Variants in CCDC88A observed in about 807,000 individuals in gnomAD.
The protein encoded by CCDC88A is girdin.
A neutral mutation model predicts 234.3 loss-of-function variants in CCDC88A; 54 were observed. The observed-to-expected ratio is 0.23, with a 90% CI of 0.19 to 0.29. The LOEUF is 0.29. Ranked by LOEUF, CCDC88A falls within the 10% of genes least tolerant of loss-of-function variation. The pLI is 1.00. For missense variants in CCDC88A, 1,832 were observed against 2,123.4 expected, an observed-to-expected ratio of 0.86 and a Z score of 2.70; for synonymous variants, 753 against 737.8, an observed-to-expected ratio of 1.02 and a Z score of -0.33.
intron 2 of CCDC88A, among the ~76,000 whole-genome samples, chr2:55,393,289 GTTTTTTTT>G (rs558827055): frequency 3.4e-4 from 21 of 61,682 alleles, no homozygotes; most frequent in South Asian, 2.9e-3. Context: ...GGTTTTTTGG[GTTTTTTTT>G]TTTTTTTTTT....
At chr2:55,341,240 G>GGTTCAAGCGATTTTCCT (rs1668452555) in intron 12 of CCDC88A, among the ~76,000 whole-genome samples, 1 of 148,916 alleles carries the variant, frequency 6.7e-6, no homozygotes, top group Admixed American at 6.7e-5. Flanking sequence ...CTGCCTCTCG[G>GGTTCAAGCGATTTTCCT]GTTCAAGCGA....
chr2:55,393,494 A>C, intron 2 of CCDC88A, among the ~76,000 whole-genome samples: 1 of 151,584 alleles, frequency 6.6e-6, no homozygotes, highest in Non-Finnish European at 1.5e-5. Flanking sequence ...GGGTTTCACT[A>C]TATTGGCCAG....
At chr2:55,415,261 A>C (rs1237919997) in intron 2 of CCDC88A, among the ~76,000 whole-genome samples, 1 of 152,114 alleles carries the variant, frequency 6.6e-6, no homozygotes, top group African/African-American at 2.4e-5. Flanking sequence ...GCCATAATGC[A>C]CTATGATCAC....
At chr2:55,407,996 G>A (rs1325119338) in intron 2 of CCDC88A, among the ~76,000 whole-genome samples, 3 of 151,870 alleles carry the variant, frequency 2.0e-5, no homozygotes, top group African/African-American at 4.8e-5. Flanking sequence ...GGGATTACAG[G>A]TGTGAGCCAC....
At chr2:55,410,214 G>A (rs1301381417) in intron 2 of CCDC88A, among the ~76,000 whole-genome samples, 1 of 152,158 alleles carries the variant, frequency 6.6e-6, no homozygotes, top group African/African-American at 2.4e-5. Flanking sequence ...GTTTGGGGAT[G>A]GGAGTACAAG....
At chr2:55,294,329 C>A in intron 31 of CCDC88A, 1 of 983,872 alleles carries the variant, frequency 1.0e-6, no homozygotes, top group Non-Finnish European at 1.2e-6. Flanking sequence ...AGAGAAGAAA[C>A]AATAAATACA....
chr2:55,297,365 AATATATATT>A (rs1558622478), intron 29 of CCDC88A, among the ~76,000 whole-genome samples: 1 of 99,014 alleles, frequency 1.0e-5, no homozygotes, highest in African/African-American at 5.7e-5. Flanking sequence ...AAATATATAT[AATATATATT>A]ATATATAAAT....
In CCDC88A at chr2:55,290,024, C is replaced by T. The variant is rs1679336806; in HGVS notation, c.*1176G>A. 1 of 152,498 alleles carries T rather than the reference C, an allele frequency of 6.6e-6. No individual in the cohort carries two copies. The highest frequency in any genetic ancestry group is 1.5e-5 in the Non-Finnish European group (1 of 67,962). 9.4% of individuals were successfully genotyped at this position (152,498 alleles called of 1,614,324 possible). A position where few individuals can be genotyped will look rare whatever the true frequency, so the allele number is the denominator to read the frequency against. The stretch of plus-strand genomic sequence containing the variant: ...GAATTTGCATTAATGAGTATCAATG[C>T]ATTTTTTGATTTCATAAGAAAATAA... On this transcript the variant is annotated 3_prime_UTR_variant, in exon 33 of 33. Transcript: ENST00000436346.
chr2:55,390,417 T>C (rs1254269265), intron 2 of CCDC88A, among the ~76,000 whole-genome samples: 40 of 152,166 alleles, frequency 2.6e-4, no homozygotes, highest in Admixed American at 2.6e-3. Flanking sequence ...GATTCTTTTG[T>C]CCCCTGACCA....
chr2:55,297,706 T>C (rs1310929730), intron 29 of CCDC88A, among the ~76,000 whole-genome samples: 4 of 151,940 alleles, frequency 2.6e-5, no homozygotes, highest in African/African-American at 9.7e-5. Flanking sequence ...CCACCGCACC[T>C]GGCTCATTAG....
Position 55,349,499 on chromosome 2 carries a change from A to C in CCDC88A, c.882+19T>G. On this transcript the variant is annotated intron_variant, in intron 9 of 32. Transcript: ENST00000436346. ...CAATTACTTGGTGGTCCTAAATAAC[A>C]GATATTCCAGGTACAAACCTCTTGT... 9.6e-6 allele frequency: 15 copies of C among 1,555,596 alleles called. No homozygotes were observed. The highest frequency in any genetic ancestry group is 2.3e-5 in the East Asian group (1 of 44,364).
intron 9 of CCDC88A, 169 bp downstream of exon 9, chr2:55,349,349 T>G: frequency 1.7e-6 from 1 of 584,928 alleles, no homozygotes; most frequent in Admixed American, 3.3e-5. Flanking sequence ...AAAGTTTGGC[T>G]CTGACATTTT....
intron 2 of CCDC88A, chr2:55,404,911 T>C (rs2104958670): frequency 6.6e-6 from 1 of 152,298 alleles, no homozygotes; most frequent in Admixed American, 6.5e-5. Context: ...TTTGTATTTT[T>C]AGTAGAGATG....
intron 17 of CCDC88A, among the ~76,000 whole-genome samples, chr2:55,327,897 T>C (rs1394569753): frequency 6.6e-6 from 1 of 152,228 alleles, no homozygotes; most frequent in Non-Finnish European, 1.5e-5. Flanking sequence ...AACACACATA[T>C]GATTTTCCTC....
chr2:55,347,871 C>T (rs1272534786), intron 9 of CCDC88A, among the ~76,000 whole-genome samples: 1 of 151,918 alleles, frequency 6.6e-6, no homozygotes, highest in East Asian at 1.9e-4. Flanking sequence ...CTTGCCCTTT[C>T]AAAGTGCTGG....
At chr2:55,382,761 A>G (rs895083937) in intron 3 of CCDC88A, among the ~76,000 whole-genome samples, 10 of 152,210 alleles carry the variant, frequency 6.6e-5, no homozygotes, top group Non-Finnish European at 1.3e-4. Context: ...ATTTAACCAT[A>G]ATGAAGTATA....
intron 5 of CCDC88A, among the ~76,000 whole-genome samples, chr2:55,371,535 C>T (rs1470462304): frequency 2.6e-5 from 4 of 152,102 alleles, no homozygotes; most frequent in African/African-American, 9.7e-5. Context: ...GAAGTCAGAG[C>T]AGAGTTGACT....
chr2:55,378,768 C>G (rs906030050), intron 3 of CCDC88A, among the ~76,000 whole-genome samples: 1 of 137,658 alleles, frequency 7.3e-6, no homozygotes, highest in Non-Finnish European at 1.5e-5. Context: ...TTTTTTGAGA[C>G]GGAGTCTCGC....
chr2:55,299,742 T>C (rs541610566), intron 29 of CCDC88A, 97 bp downstream of exon 29: 60 of 755,164 alleles, frequency 7.9e-5, no homozygotes, highest in Admixed American at 2.5e-4. Context: ...CATAGATGAT[T>C]TGGATTTCAT....
Sources: gnomAD v4.1 joint callset for allele counts (sites outside exome capture counted in the v4.1 genomes callset) on GRCh38, gnomAD v4.1.1 for gene constraint, MANE v1.5 for transcripts, NCBI Gene and HGNC (gene_info 2026-07-23, HGNC 2026-07-21) for gene names.